Variants in NSRP1 observed in about 807,000 individuals in gnomAD.
The protein encoded by NSRP1 is coiled-coil domain containing 55.
NSRP1 carries 24 observed loss-of-function variants against 54.7 expected under a neutral mutation model. The observed-to-expected ratio is 0.44, with a 90% confidence interval of 0.32 to 0.62. The LOEUF is 0.62. NSRP1 is among the 20% of genes least tolerant of loss of function. NSRP1 has a pLI of 0.06. For synonymous variants in NSRP1, 210 were observed against 213.8 expected, an observed-to-expected ratio of 0.98 and a Z score of 0.15; for missense variants, 596 against 651.2, an observed-to-expected ratio of 0.92 and a Z score of 0.92.
chr17:30,156,525 C>CT lies in NSRP1; in HGVS notation c.115-16006dup, dbSNP rs755373181. On this transcript the variant is annotated intron_variant, in intron 2 of 6. Transcript: ENST00000247026. ...TGTAAGTGACATGATTCCATTCTTT[C>CT]TTTTTTTTTTTGAGATGGGGTTTCA... 7.0e-4 allele frequency: 101 copies of CT among 144,870 alleles called. 1 individual carries two copies. Among genetic ancestry groups the CT allele is most frequent in the South Asian group, 1.1e-3 (5 of 4,566 alleles). The allele number at this position is 144,870 out of a possible 1,614,324, so 9.0% of individuals were successfully genotyped here. A position where few individuals can be genotyped will look rare whatever the true frequency, so the allele number is the denominator to read the frequency against.
Position 30,138,915 on chromosome 17 carries a change from T to TTTG in NSRP1, c.114+20744_114+20745insGTT, listed in dbSNP as rs977434222. 3.9e-5 allele frequency among the ~76,000 whole-genome samples: 5 copies of TTTG among 128,208 alleles called. 1 individual carries two copies. Among genetic ancestry groups the TTTG allele is most frequent in the African/African-American group, 8.8e-5 (3 of 34,104 alleles). 84.1% of individuals were successfully genotyped at this position (128,208 alleles called of 152,430 possible). A position where few individuals can be genotyped will look rare whatever the true frequency, so the allele number is the denominator to read the frequency against. On this transcript the variant is annotated intron_variant, in intron 2 of 6. Coordinates refer to ENST00000247026, the MANE Select transcript of NSRP1 (RefSeq NM_032141.4). Reference sequence around the variant, plus strand: ...TGGTATCTCAAGTCTTAGCGTTTTTTTTTTTTTTTTTTTTTTTTTTGAGAT... The same window carrying TTTG: ...TGGTATCTCAAGTCTTAGCGTTTTTTTTGTTTTTTTTTTTTTTTTTTTTGAGAT...
intron 5 of NSRP1, among the ~76,000 whole-genome samples, chr17:30,180,305 C>T (rs2143010303): frequency 6.6e-6 from 1 of 152,140 alleles, no homozygotes; most frequent in East Asian, 1.9e-4. Context: ...TACAGGCATG[C>T]ACCACCACAC....
At chr17:30,116,992 C>A in intron 1 of NSRP1, 129 bp downstream of exon 1, 2 of 1,210,702 alleles carry the variant, frequency 1.7e-6, no homozygotes, top group Non-Finnish European at 2.4e-6. Flanking sequence ...CGGGAAAAAA[C>A]GAGAAGTCCT....
chr17:30,128,785 A>G (rs1390258646), intron 2 of NSRP1, among the ~76,000 whole-genome samples: 6 of 152,200 alleles, frequency 3.9e-5, no homozygotes, highest in African/African-American at 1.4e-4. Context: ...TACTACGGCT[A>G]TCACATTCAT....
At chr17:30,119,316 A>T (rs2151871213) in intron 2 of NSRP1, among the ~76,000 whole-genome samples, 1 of 151,526 alleles carries the variant, frequency 6.6e-6, no homozygotes, top group Non-Finnish European at 1.5e-5. Flanking sequence ...TATTTAGTAG[A>T]TTTTCCTGCC....
At chr17:30,124,672 G>C (rs189395644) in intron 2 of NSRP1, among the ~76,000 whole-genome samples, 8 of 152,330 alleles carry the variant, frequency 5.3e-5, no homozygotes, top group Non-Finnish European at 1.0e-4. Context: ...TTACCTGGTG[G>C]GAACTGGGCT....
intron 2 of NSRP1, among the ~76,000 whole-genome samples, chr17:30,169,858 G>C (rs992849137): frequency 1.3e-5 from 2 of 149,778 alleles, no homozygotes; most frequent in African/African-American, 4.9e-5. Flanking sequence ...AAAAAAAAAA[G>C]CACCAATTGC....
At chr17:30,177,545 C>G (rs550477056) in intron 3 of NSRP1, among the ~76,000 whole-genome samples, 1 of 152,132 alleles carries the variant, frequency 6.6e-6, no homozygotes, top group African/African-American at 2.4e-5. Flanking sequence ...AAAAAAACAT[C>G]ATTTGAGATG....
At chr17:30,179,626 A>G (rs1206543390) in intron 5 of NSRP1, among the ~76,000 whole-genome samples, 1 of 152,198 alleles carries the variant, frequency 6.6e-6, no homozygotes, top group East Asian at 1.9e-4. Flanking sequence ...TGTCAGAAAC[A>G]ATATAAATAT....
chr17:30,122,349 T>TGTGTGTGTGTATATA (rs1481107161), intron 2 of NSRP1: 3 of 72,316 alleles, frequency 4.1e-5, no homozygotes, highest in African/African-American at 1.7e-4. Context: ...ATAACTCTGG[T>TGTGTGTGTGTATATA]TTCATATATA....
chr17:30,161,900 A>G (rs1464843153), intron 2 of NSRP1, among the ~76,000 whole-genome samples: 2 of 152,168 alleles, frequency 1.3e-5, no homozygotes, highest in Admixed American at 6.5e-5. Context: ...TACCAACATG[A>G]TAGATGATAA....
chr17:30,118,246 A>G, intron 2 of NSRP1, 73 bp downstream of exon 2: 1 of 1,146,590 alleles, frequency 8.7e-7, no homozygotes, highest in South Asian at 1.2e-5. Flanking sequence ...TGTGACTCTG[A>G]TACCTTTGCC....
rs554141612 is a variant in NSRP1, at chr17:30,127,473, G to A, written c.114+9300G>A. On this transcript the variant is annotated intron_variant, in intron 2 of 6. Coordinates refer to ENST00000247026, the MANE Select transcript of NSRP1 (RefSeq NM_032141.4). ...TCTGCTGCCCAGGCTGGAGTGCAGT[G>A]GTATGATCACGGCTCACTGCAACCT... is the stretch of plus-strand genomic sequence containing the variant. Among the ~76,000 whole-genome samples the A allele has an allele frequency of 2.6e-5, 4 of 152,254 alleles. No individual in the cohort carries two copies. In the South Asian group the frequency reaches 8.3e-4, roughly 32 times the overall value.
At chr17:30,131,539 C>A (rs558217982) in intron 2 of NSRP1, among the ~76,000 whole-genome samples, 86 of 26,340 alleles carry the variant, frequency 3.3e-3, no homozygotes, top group Non-Finnish European at 4.4e-3. Context: ...TGTGTAATAG[C>A]ATTATAGCTA....
At chr17:30,118,258 T>C in intron 2 of NSRP1, 85 bp downstream of exon 2, 1 of 1,051,200 alleles carries the variant, frequency 9.5e-7, no homozygotes, top group Non-Finnish European at 1.5e-6. Flanking sequence ...ACCTTTGCCT[T>C]TGTTATTTGT....
At chr17:30,121,951 A>G (rs528202548) in intron 2 of NSRP1, among the ~76,000 whole-genome samples, 2 of 152,100 alleles carry the variant, frequency 1.3e-5, no homozygotes, top group South Asian at 4.2e-4. Flanking sequence ...TGTACCCATT[A>G]CCATCACTCC....
chr17:30,121,570 G>GTGT (rs1555576524), intron 2 of NSRP1, among the ~76,000 whole-genome samples: 3 of 132,788 alleles, frequency 2.3e-5, no homozygotes, highest in African/African-American at 8.4e-5. Flanking sequence ...GTGTGTGTGT[G>GTGT]TTTTTTTTTT....
intron 2 of NSRP1, among the ~76,000 whole-genome samples, chr17:30,159,922 A>G (rs1597612362): frequency 6.6e-6 from 1 of 152,296 alleles, no homozygotes; most frequent in South Asian, 2.1e-4. Context: ...TTGGCCTCCC[A>G]AAGTGCTGGG....
At chr17:30,174,216 T>C (rs1905051114) in intron 3 of NSRP1, among the ~76,000 whole-genome samples, 1 of 152,206 alleles carries the variant, frequency 6.6e-6, no homozygotes, top group African/African-American at 2.4e-5. Context: ...AACTCTGTCT[T>C]GTTCAAGCCA....
Sources: gnomAD v4.1 joint callset for allele counts (sites outside exome capture counted in the v4.1 genomes callset) on GRCh38, gnomAD v4.1.1 for gene constraint, MANE v1.5 for transcripts, NCBI Gene and HGNC (gene_info 2026-07-23, HGNC 2026-07-21) for gene names.